KLHL13: variants seen among roughly 807,000 people sequenced by gnomAD.
KLHL13 encodes kelch like family member 13, also known as kelch-like protein 13.
In KLHL13, 10 loss-of-function variants were observed where a neutral mutation model predicts 37.1. The ratio of observed to expected loss-of-function variants is 0.27; its 90% CI spans 0.17 to 0.46. The LOEUF is 0.46. Ranked by LOEUF, KLHL13 falls within the 20% of genes least tolerant of loss-of-function variation. KLHL13 has a pLI of 1.00. For synonymous variants in KLHL13, 163 were observed against 181.2 expected (o/e 0.90, Z 0.81); for missense variants, 360 against 509.3 (o/e 0.71, Z 2.82).
intron 1 of KLHL13, among the ~76,000 whole-genome samples, chrX:118,113,077 T>A: frequency 8.9e-6 from 1 of 112,200 alleles, no homozygotes; most frequent in Non-Finnish European, 1.9e-5. Context: ...TGATTTTTAA[T>A]AAAGTTGGTG....
intron 2 of KLHL13, among the ~76,000 whole-genome samples, chrX:117,944,131 G>T (rs937932842): frequency 9.0e-6 from 1 of 111,021 alleles, no homozygotes; most frequent in Non-Finnish European, 1.9e-5. Context: ...TCCAGACCCT[G>T]TTTGCCCGGG....
At chrX:117,983,358 C>T in intron 1 of KLHL13, 1 of 407,675 alleles carries the variant, frequency 2.5e-6, no homozygotes, top group Non-Finnish European at 4.2e-6. Flanking sequence ...AACACAGTGC[C>T]CTAGCCATTA....
intron 1 of KLHL13, among the ~76,000 whole-genome samples, chrX:118,100,309 T>C (rs921075243): frequency 1.3e-4 from 15 of 111,619 alleles, no homozygotes; most frequent in African/African-American, 4.9e-4. Flanking sequence ...ACGTTCTCAG[T>C]TACTTCTGGA....
intron 2 of KLHL13, among the ~76,000 whole-genome samples, chrX:117,926,283 G>T (rs1932011782): frequency 9.0e-6 from 1 of 111,527 alleles, no homozygotes; most frequent in Non-Finnish European, 1.9e-5. Context: ...GGTGCAGGGA[G>T]TGGGAACCCA....
At chrX:117,920,477 A>G in intron 2 of KLHL13, 107 bp from the exon 4 acceptor site, 1 of 798,090 alleles carries the variant, frequency 1.3e-6, no homozygotes, top group Admixed American at 3.6e-5. Context: ...TATGTGGAAC[A>G]TAAAGCCAAC....
At chrX:118,004,110 C>T (rs1359826796) in intron 1 of KLHL13, among the ~76,000 whole-genome samples, 1 of 111,262 alleles carries the variant, frequency 9.0e-6, no homozygotes, top group African/African-American at 3.3e-5. Flanking sequence ...TAATAAGAGA[C>T]ATGTTTCTTA....
intron 1 of KLHL13, among the ~76,000 whole-genome samples, chrX:118,064,661 T>C (rs1383980302): frequency 1.8e-5 from 2 of 111,870 alleles, no homozygotes; most frequent in East Asian, 2.8e-4. Flanking sequence ...GTCCTACTTA[T>C]AGCCTCTTTT....
intron 1 of KLHL13, among the ~76,000 whole-genome samples, chrX:117,955,108 CA>C (rs1328434261): frequency 8.9e-6 from 1 of 111,974 alleles, no homozygotes; most frequent in Admixed American, 9.5e-5. Flanking sequence ...AATATTCAAA[CA>C]TCTGAGTTAC....
At chrX:117,955,915 C>T (rs2053197590) in intron 1 of KLHL13, among the ~76,000 whole-genome samples, 1 of 111,539 alleles carries the variant, frequency 9.0e-6, no homozygotes, top group Non-Finnish European at 1.9e-5. Flanking sequence ...ACAGCCCACT[C>T]ACCTATCTAC....
chrX:117,938,126 T>C (rs1332969934), intron 2 of KLHL13, among the ~76,000 whole-genome samples: 1 of 112,276 alleles, frequency 8.9e-6, no homozygotes, highest in African/African-American at 3.2e-5. Context: ...TATTACATTG[T>C]ATGGATGTAT....
At chrX:118,058,119 G>T (rs1177320869) in intron 1 of KLHL13, among the ~76,000 whole-genome samples, 1 of 111,398 alleles carries the variant, frequency 9.0e-6, no homozygotes, top group Non-Finnish European at 1.9e-5. Context: ...TGATTTTAAA[G>T]CCTCTCCATT....
rs778789872 is a variant in KLHL13, at chrX:117,962,041, A to AAATAATAAT, written c.98+10681_98+10689dup. Among the ~76,000 whole-genome samples the AAATAATAAT allele has an allele frequency of 7.4e-3, 754 of 102,330 alleles. 9 individuals are homozygous for AAATAATAAT. The highest frequency in any genetic ancestry group is 0.028 in the African/African-American group (726 of 26,079). The allele number at this position is 102,330 out of a possible 115,157, so 88.9% of individuals were successfully genotyped here. ...TAACACAGCGAGACCTCATCTCTAC[A>AAATAATAAT]AATAATAATAATAATAATAATAAGC... On this transcript the variant is annotated intron_variant, in intron 1 of 6. Coordinates refer to ENST00000262820, the Ensembl canonical transcript of KLHL13.
At chrX:118,076,975 T>C (rs1484393571) in intron 1 of KLHL13, among the ~76,000 whole-genome samples, 1 of 109,244 alleles carries the variant, frequency 9.2e-6, no homozygotes, top group Non-Finnish European at 1.9e-5. Context: ...TCCTAATGGT[T>C]CCGTTTCTCT....
intron 1 of KLHL13, among the ~76,000 whole-genome samples, chrX:117,970,206 T>A (rs2053501160): frequency 9.0e-6 from 1 of 111,674 alleles, no homozygotes; most frequent in African/African-American, 3.3e-5. Flanking sequence ...AGTACTCAAG[T>A]CTTCAATGAA....
intron 2 of KLHL13, among the ~76,000 whole-genome samples, chrX:117,926,887 T>TC: frequency 3.7e-5 from 1 of 26,867 alleles, no homozygotes; most frequent in Non-Finnish European, 5.9e-5. Context: ...CCCTACTTCT[T>TC]TTTTTTTTTT....
upstream of KLHL13, chrX:118,116,866 G>T (rs1342761744): frequency 1.3e-5 from 1 of 79,626 alleles, no homozygotes; most frequent in African/African-American, 6.1e-5. Context: ...AGGGGGCAGT[G>T]GGGGGGGGAG....
chrX:118,040,293 C>T (rs753312704), intron 1 of KLHL13, among the ~76,000 whole-genome samples: 1 of 111,731 alleles, frequency 9.0e-6, no homozygotes, highest in Non-Finnish European at 1.9e-5. Context: ...CTTAGAGAGA[C>T]AGGGATATGT....
intron 2 of KLHL13, among the ~76,000 whole-genome samples, chrX:117,924,772 T>TTGTCTTTA (rs1353406308): frequency 2.7e-5 from 3 of 111,464 alleles, no homozygotes; most frequent in Middle Eastern, 4.7e-3. Flanking sequence ...ATTTCTTTAA[T>TTGTCTTTA]ATTTCCCTTT....
Position 117,953,311 on chromosome X carries a change from A to C in KLHL13, c.99-7736T>G, listed in dbSNP as rs1260343364. Among the ~76,000 whole-genome samples the C allele has an allele frequency of 2.7e-5, 3 of 110,935 alleles. No homozygotes were observed. In the Admixed American group the frequency reaches 2.9e-4, roughly 11 times the overall value. ...TCAGTAAACTATCGCAAGGAAAAAA[A>C]CCAAACACCGCATGTTCTCACTCAT... On this transcript the variant is annotated intron_variant, in intron 1 of 6. Transcript: ENST00000262820.
Sources: gnomAD v4.1 joint callset for allele counts (sites outside exome capture counted in the v4.1 genomes callset) on GRCh38, gnomAD v4.1.1 for gene constraint, MANE v1.5 for transcripts, NCBI Gene and HGNC (gene_info 2026-07-23, HGNC 2026-07-21) for gene names.